The following NTRK3 variants were observed in gnomAD, a reference collection of about 807,000 sequenced individuals.
NTRK3 encodes the protein neurotrophic receptor tyrosine kinase 3.
A neutral mutation model predicts 91.7 loss-of-function variants in NTRK3; 24 were observed. The observed-to-expected ratio is 0.26, with a 90% CI of 0.19 to 0.37. NTRK3 has a LOEUF of 0.37. Ranked by LOEUF, NTRK3 falls within the 10% of genes least tolerant of loss-of-function variation. The pLI is 1.00. For synonymous variants in NTRK3, 483 were observed against 404.0 expected, an observed-to-expected ratio of 1.20 and a Z score of -2.34; for missense variants, 880 against 1,068.9, an observed-to-expected ratio of 0.82 and a Z score of 2.46.
intron 17 of NTRK3, among the ~76,000 whole-genome samples, chr15:87,897,966 T>C (rs970412650): frequency 6.6e-6 from 1 of 152,214 alleles, no homozygotes; most frequent in Non-Finnish European, 1.5e-5. Context: ...CTTGACTTCC[T>C]TGTGCATAAA....
exon 19 of NTRK3, chr15:87,861,853 CCT>C (rs2064534174): frequency 9.6e-6 from 2 of 208,222 alleles, no homozygotes; most frequent in Non-Finnish European, 2.0e-5. Context: ...CATCATCTCT[CCT>C]TCTAGAGATG....
rs1322556467 is a variant in NTRK3 at position 88,234,064 on chromosome 15, C to A, written c.248+21842G>T. Among the ~76,000 whole-genome samples, 1 of 152,160 alleles carries A rather than the reference C, an allele frequency of 6.6e-6. No homozygotes were observed. Among genetic ancestry groups the A allele is most frequent in the African/African-American group, 2.4e-5 (1 of 41,448 alleles). On this transcript the variant is annotated intron_variant, in intron 3 of 18. Transcript: ENST00000394480. The surrounding 1 kb of genome is among the most constrained non-coding windows in gnomAD (Gnocchi z 6.1). ...GCACCTCGATGCCTCTCGGGTGGGA[C>A]CAAGCCTTCTTCTCATGGCAAAGGA... is the stretch of plus-strand genomic sequence containing the variant.
At chr15:88,072,588 G>T (rs2047187316) in intron 13 of NTRK3, 1 of 232,418 alleles carries the variant, frequency 4.3e-6, no homozygotes, top group African/African-American at 2.2e-5. Flanking sequence ...ACAGCCAAAA[G>T]CTCCAGGCCA....
intron 14 of NTRK3, among the ~76,000 whole-genome samples, chr15:87,941,555 G>A (rs184647869): frequency 2.6e-5 from 4 of 152,050 alleles, no homozygotes; most frequent in Non-Finnish European, 4.4e-5. Context: ...CACAGTGCCT[G>A]GTTCATGACA....
intron 13 of NTRK3, among the ~76,000 whole-genome samples, chr15:88,100,331 C>T (rs2050041608): frequency 6.6e-6 from 1 of 152,156 alleles, no homozygotes; most frequent in Admixed American, 6.5e-5. Context: ...CTCCCAACAC[C>T]CCTGTTCTCC....
intron 17 of NTRK3, among the ~76,000 whole-genome samples, chr15:87,897,455 C>T (rs1358840734): frequency 6.6e-6 from 1 of 152,104 alleles, no homozygotes; most frequent in Non-Finnish European, 1.5e-5. Context: ...TCCACTGAGG[C>T]CTCCTGGCTG....
chr15:88,144,892 G>A (rs1165991708), intron 6 of NTRK3, among the ~76,000 whole-genome samples: 1 of 152,174 alleles, frequency 6.6e-6, no homozygotes, highest in Non-Finnish European at 1.5e-5. Context: ...TACAGCAGAG[G>A]TCCTTAGTGA....
At chr15:88,042,777 A>T (rs1417293335) in intron 13 of NTRK3, among the ~76,000 whole-genome samples, 1 of 152,176 alleles carries the variant, frequency 6.6e-6, no homozygotes, top group Non-Finnish European at 1.5e-5. Context: ...CTGGGGGTAG[A>T]TCCTCTTATC....
chr15:88,120,088 T>A (rs1317437795), intron 13 of NTRK3, among the ~76,000 whole-genome samples: 4 of 152,200 alleles, frequency 2.6e-5, no homozygotes, highest in Non-Finnish European at 5.9e-5. Flanking sequence ...AAGAAACCCT[T>A]CTCAGTCCAA....
chr15:88,136,720 A>G, intron 7 of NTRK3, 111 bp from the exon 8 acceptor site: 1 of 1,327,208 alleles, frequency 7.5e-7, no homozygotes. Flanking sequence ...TAATGACTCT[A>G]ACACCACCTG....
At chr15:88,183,420 A>G (rs767025507) in exon 5 of NTRK3, 3 of 1,613,962 alleles carry the variant, frequency 1.9e-6, no homozygotes, top group East Asian at 4.5e-5. Flanking sequence ...CTACTCACAT[A>G]TAACGCAAAT....
At chr15:88,151,924 A>G (rs188996620) in intron 5 of NTRK3, among the ~76,000 whole-genome samples, 4 of 151,912 alleles carry the variant, frequency 2.6e-5, no homozygotes, top group Non-Finnish European at 4.4e-5. Context: ...TGCTCACTCC[A>G]CCTCCACACC....
exon 4 of NTRK3, chr15:88,184,262 C>T (rs765088970): frequency 1.1e-5 from 17 of 1,609,872 alleles, no homozygotes; most frequent in Middle Eastern, 3.3e-4. Flanking sequence ...ATGTCCACGG[C>T]GTTGAGCGTG....
intron 14 of NTRK3, among the ~76,000 whole-genome samples, chr15:87,991,799 G>C (rs1395111528): frequency 6.6e-6 from 1 of 152,086 alleles, no homozygotes; most frequent in East Asian, 1.9e-4. Flanking sequence ...CTTTAGCAAA[G>C]CATGGCAGAA....
At chr15:87,963,381 C>T (rs1277808981) in intron 14 of NTRK3, among the ~76,000 whole-genome samples, 2 of 152,178 alleles carry the variant, frequency 1.3e-5, no homozygotes, top group Non-Finnish European at 2.9e-5. Context: ...TGGAGCATGA[C>T]ACAGTCATTA....
chr15:88,092,189 G>A (rs1472341226), intron 13 of NTRK3, among the ~76,000 whole-genome samples: 2 of 152,156 alleles, frequency 1.3e-5, no homozygotes, highest in African/African-American at 4.8e-5. Flanking sequence ...AACTCCCCCA[G>A]CAATCAGAGC....
intron 3 of NTRK3, among the ~76,000 whole-genome samples, chr15:88,245,033 G>A (rs932626804): frequency 2.6e-5 from 4 of 152,172 alleles, no homozygotes. Flanking sequence ...TATTCCAAAG[G>A]AGTCCCTTAG....
intron 14 of NTRK3, among the ~76,000 whole-genome samples, chr15:88,023,611 G>C (rs2077771175): frequency 6.6e-6 from 1 of 152,130 alleles, no homozygotes; most frequent in African/African-American, 2.4e-5. Flanking sequence ...AATAAAAGAG[G>C]GGACCCATCA....
At chr15:87,875,574 A>G (rs888385356) in exon 19 of NTRK3, 7 of 232,638 alleles carry the variant, frequency 3.0e-5, no homozygotes, top group African/African-American at 1.5e-4. Flanking sequence ...CCCAGCCCAC[A>G]AAAGTGATTT....
Sources: gnomAD v4.1 joint callset for allele counts (sites outside exome capture counted in the v4.1 genomes callset) on GRCh38, gnomAD v4.1.1 for gene constraint, Gnocchi (gnomAD v3.1) non-coding constraint, MANE v1.5 for transcripts, NCBI Gene and HGNC (gene_info 2026-07-23, HGNC 2026-07-21) for gene names.